Variants in NTNG2 observed in about 807,000 individuals in gnomAD.
The protein encoded by NTNG2 is netrin G2.
NTNG2 carries 15 observed loss-of-function variants against 47.6 expected under a neutral mutation model. The observed-to-expected ratio is 0.32, with a 90% CI of 0.21 to 0.49. The LOEUF is 0.49. NTNG2 is among the 20% of genes least tolerant of loss of function. The pLI, the probability that NTNG2 is intolerant of heterozygous loss-of-function variation, is 0.99. For missense variants in NTNG2, 578 were observed against 764.6 expected, an observed-to-expected ratio of 0.76 and a Z score of 2.88; for synonymous variants, 307 against 324.6, an observed-to-expected ratio of 0.95 and a Z score of 0.58.
chr9:132,165,291 T>C (rs1440609260), intron 1 of NTNG2, among the ~76,000 whole-genome samples: 1 of 152,184 alleles, frequency 6.6e-6, no homozygotes, highest in Non-Finnish European at 1.5e-5. Context: ...CTGGTATCTA[T>C]TTTGATATAA....
intron 3 of NTNG2, among the ~76,000 whole-genome samples, chr9:132,207,799 C>T (rs778358832): frequency 3.3e-5 from 5 of 152,290 alleles, no homozygotes; most frequent in Admixed American, 1.3e-4. Context: ...CACAGGTGCA[C>T]GGTGAGAAAG....
intron 1 of NTNG2, among the ~76,000 whole-genome samples, chr9:132,165,326 T>C (rs1313835551): frequency 6.6e-6 from 1 of 152,030 alleles, no homozygotes. Flanking sequence ...CTATTTTGAT[T>C]TTAAATAATT....
At chr9:132,170,010 A>G (rs1165271319) in intron 2 of NTNG2, among the ~76,000 whole-genome samples, 1 of 152,188 alleles carries the variant, frequency 6.6e-6, no homozygotes, top group Non-Finnish European at 1.5e-5. Context: ...CCAGATGCCC[A>G]CTGCCCCCTT....
rs764627140 is a variant in NTNG2 at position 132,198,044 on chromosome 9, AAGG to A, written c.302_304del (p.Glu101del). The A allele has an allele frequency of 8.7e-6, 14 of 1,613,440 alleles. No individual in the cohort carries two copies. In the Admixed American group the frequency reaches 1.5e-4, roughly 17 times the overall value. On this transcript the variant is annotated inframe_deletion, in exon 3 of 8. Coordinates refer to ENST00000393229, the MANE Select transcript of NTNG2 (RefSeq NM_032536.4). Reference sequence around the variant, plus strand: ...CCACCCGCCCAGGCTCATGTTCGACAAGGAGGAGGAGGGCCTGGCCACCTACTG... The same window carrying A: ...CCACCCGCCCAGGCTCATGTTCGACAAGGAGGAGGGCCTGGCCACCTACTG...
Position 132,227,950 on chromosome 9 carries a change from C to T in NTNG2, c.1030+929C>T, listed in dbSNP as rs111792420. ...AAGTGTGTGGTTGGTGTCCGAGGCC[C>T]TCCTAGGCACTTTGTGCATCTCGCT... On this transcript the variant is annotated intron_variant, in intron 4 of 7. Coordinates refer to ENST00000393229, the MANE Select transcript of NTNG2 (RefSeq NM_032536.4). Among the ~76,000 whole-genome samples, 515 of 152,338 alleles carry T rather than the reference C, an allele frequency of 3.4e-3. 1 individual carries two copies. Among genetic ancestry groups the T allele is most frequent in the African/African-American group, 0.012 (491 of 41,586 alleles).
At chr9:132,209,494 A>G (rs1259071403) in intron 3 of NTNG2, among the ~76,000 whole-genome samples, 1 of 152,190 alleles carries the variant, frequency 6.6e-6, no homozygotes, top group East Asian at 1.9e-4. Flanking sequence ...GATCAGAGAC[A>G]GGGGGAATCT....
At chr9:132,191,867 G>A (rs544144394) in intron 2 of NTNG2, among the ~76,000 whole-genome samples, 2 of 152,310 alleles carry the variant, frequency 1.3e-5, no homozygotes, top group Non-Finnish European at 2.9e-5. Flanking sequence ...CACCGCGCCC[G>A]GCCATTACCG....
chr9:132,195,307 CGTTTTT>C (rs764331308), intron 2 of NTNG2, among the ~76,000 whole-genome samples: 1 of 149,090 alleles, frequency 6.7e-6, no homozygotes, highest in Admixed American at 6.7e-5. Flanking sequence ...TTTTTGTTTT[CGTTTTT>C]GTTTTTGTTT....
At position 132,231,970 on chromosome 9, in the gene NTNG2, A is replaced by G. The variant is rs1841260837; in HGVS notation, c.1054+1375A>G. 1 of 152,448 alleles carries G rather than the reference A, an allele frequency of 6.6e-6. No individual in the cohort carries two copies. The highest frequency in any genetic ancestry group is 1.5e-5 in the Non-Finnish European group (1 of 68,254). 9.4% of individuals were successfully genotyped at this position (152,448 alleles called of 1,614,324 possible). ...CCACAGGCCAAAGGGGCTTGAGGAC[A>G]CCTGGGTCAACCTGTTCCTGAGCCC... On this transcript the variant is annotated intron_variant, in intron 5 of 7. Coordinates refer to ENST00000393229, the MANE Select transcript of NTNG2 (RefSeq NM_032536.4). This position sits in a 1 kb window ranked among gnomAD's most constrained non-coding sequence, Gnocchi z 4.1.
At chr9:132,190,162 G>GC (rs1837762697) in intron 2 of NTNG2, among the ~76,000 whole-genome samples, 1 of 146,620 alleles carries the variant, frequency 6.8e-6, no homozygotes, top group African/African-American at 2.5e-5. Flanking sequence ...GAACCCGGGA[G>GC]GCAGAGCTTG....
At chr9:132,214,151 G>C (rs1363401065) in intron 3 of NTNG2, among the ~76,000 whole-genome samples, 2 of 152,244 alleles carry the variant, frequency 1.3e-5, no homozygotes, top group Non-Finnish European at 2.9e-5. Flanking sequence ...TCCCCGCAAG[G>C]AGTGGATGAC....
chr9:132,241,336 G>A, intron 7 of NTNG2: 2 of 488,750 alleles, frequency 4.1e-6, no homozygotes, highest in Non-Finnish European at 3.6e-6. Context: ...GCGGTGGACG[G>A]GGCCTAGCGA....
intron 7 of NTNG2, 39 bp from the exon 8 acceptor site, chr9:132,241,837 C>A (rs370837776): frequency 8.4e-6 from 12 of 1,432,932 alleles, no homozygotes; most frequent in Non-Finnish European, 1.1e-5. Flanking sequence ...GCGGGGGGAC[C>A]GGGCCACCCC....
At chr9:132,234,026 CTT>C (rs71376630) in intron 5 of NTNG2, 70,357 of 132,160 alleles carry the variant, frequency 0.53, 18,203 homozygotes, top group Middle Eastern at 0.68. Flanking sequence ...GTAGAGCTAT[CTT>C]TTTTTTTTTT....
In NTNG2 at chr9:132,218,803, T is replaced by G. The variant is rs1193480093; in HGVS notation, c.858-8046T>G. Reference sequence around the variant, plus strand: ...TGAGCCAACGCGCCCGGCCCCAATGTGATAGGTTTATAAAAATAGGAAAAC... The same window carrying G: ...TGAGCCAACGCGCCCGGCCCCAATGGGATAGGTTTATAAAAATAGGAAAAC... On this transcript the variant is annotated intron_variant, in intron 3 of 7. Transcript: ENST00000393229. This position sits in a 1 kb window ranked among gnomAD's most constrained non-coding sequence, Gnocchi z 5.4. Among the ~76,000 whole-genome samples, 1 of 152,132 alleles carries G rather than the reference T, an allele frequency of 6.6e-6. No individual in the cohort carries two copies. The highest frequency in any genetic ancestry group is 1.5e-5 in the Non-Finnish European group (1 of 68,030).
chr9:132,174,473 G>A (rs959941782), intron 2 of NTNG2, among the ~76,000 whole-genome samples: 9 of 152,264 alleles, frequency 5.9e-5, no homozygotes, highest in African/African-American at 1.9e-4. Context: ...CTTCTGGGAT[G>A]TGGGACTTGG....
chr9:132,209,269 C>T (rs1488658142), intron 3 of NTNG2, among the ~76,000 whole-genome samples: 6 of 152,338 alleles, frequency 3.9e-5, no homozygotes, highest in South Asian at 2.1e-4. Context: ...CGTCTTCCAG[C>T]GCGGCTGTGC....
intron 3 of NTNG2, among the ~76,000 whole-genome samples, chr9:132,202,702 A>G (rs1252990818): frequency 6.6e-6 from 1 of 152,180 alleles, no homozygotes; most frequent in Admixed American, 6.5e-5. Context: ...CCACACAACC[A>G]TTAAGAGAAG....
chr9:132,229,111 C>T (rs115337700), intron 4 of NTNG2, among the ~76,000 whole-genome samples: 24 of 152,210 alleles, frequency 1.6e-4, no homozygotes, highest in African/African-American at 5.3e-4. Context: ...CCGGGAATTG[C>T]CTTTGAGGCC....
Sources: allele counts gnomAD v4.1 joint callset (sites outside exome capture counted in the v4.1 genomes callset), GRCh38; gene constraint gnomAD v4.1.1; non-coding constraint Gnocchi (gnomAD v3.1); transcripts MANE v1.5; gene names NCBI Gene and HGNC (gene_info 2026-07-23, HGNC 2026-07-21).